The following ARNT variants were observed in gnomAD, a reference collection of about 807,000 sequenced individuals.
The protein encoded by ARNT is aryl hydrocarbon receptor nuclear translocator, also known as class E basic helix-loop-helix protein 2.
Under a neutral mutation model 105.0 loss-of-function variants are expected in ARNT, and 30 were observed. The ratio of observed to expected loss-of-function variants is 0.29; its 90% CI spans 0.21 to 0.39. The LOEUF (loss-of-function observed/expected upper bound fraction) is 0.39. ARNT is among the 10% of genes least tolerant of loss of function. The pLI is 1.00. For missense variants in ARNT, 748 were observed against 978.7 expected, an observed-to-expected ratio of 0.76 and a Z score of 3.15; for synonymous variants, 304 against 344.0, an observed-to-expected ratio of 0.88 and a Z score of 1.29.
intron 1 of ARNT, among the ~76,000 whole-genome samples, chr1:150,864,121 A>C (rs1666132810): frequency 6.6e-6 from 1 of 152,192 alleles, no homozygotes; most frequent in Non-Finnish European, 1.5e-5. Flanking sequence ...TATACTGAAT[A>C]CTGTAGGCAA....
At chr1:150,834,845 A>T in intron 7 of ARNT, 1 of 490,520 alleles carries the variant, frequency 2.0e-6, no homozygotes, top group Middle Eastern at 5.8e-4. Context: ...CTTAAGTTCA[A>T]AGGCAGCATT....
chr1:150,844,459 T>G (rs1262374925), intron 4 of ARNT, among the ~76,000 whole-genome samples: 1 of 152,206 alleles, frequency 6.6e-6, no homozygotes, highest in Non-Finnish European at 1.5e-5. Flanking sequence ...CACTCCAGAA[T>G]AGTTTTTAAC....
intron 16 of ARNT, 58 bp from the exon 17 acceptor site, chr1:150,817,260 C>G: frequency 6.2e-7 from 1 of 1,612,328 alleles, no homozygotes; most frequent in Non-Finnish European, 8.5e-7. Context: ...ATTCAATAAC[C>G]CTAAAATTCA....
At chr1:150,856,386 G>C (rs2102263517) in intron 2 of ARNT, among the ~76,000 whole-genome samples, 1 of 152,226 alleles carries the variant, frequency 6.6e-6, no homozygotes, top group East Asian at 1.9e-4. Context: ...GTTACAGTGA[G>C]CTGAGATCAC....
At chr1:150,874,018 TAAAAAAAAAAA>T (rs58707975) in intron 1 of ARNT, among the ~76,000 whole-genome samples, 5 of 64,430 alleles carry the variant, frequency 7.8e-5, no homozygotes, top group South Asian at 1.2e-3. Context: ...ACAAGAATTG[TAAAAAAAAAAA>T]AAAAAAAAAA....
intron 1 of ARNT, among the ~76,000 whole-genome samples, chr1:150,872,637 T>C (rs377304964): frequency 6.6e-6 from 1 of 152,146 alleles, no homozygotes; most frequent in African/African-American, 2.4e-5. Context: ...CCTCAGCCAA[T>C]GCATTACAAA....
chr1:150,851,400 G>A (rs1383501806), intron 3 of ARNT, among the ~76,000 whole-genome samples: 15 of 152,214 alleles, frequency 9.9e-5, no homozygotes, highest in African/African-American at 3.6e-4. Flanking sequence ...TGACGATGGC[G>A]GTTTTGTCGA....
chr1:150,816,495 A>ATTG, intron 18 of ARNT, 89 bp from the exon 19 acceptor site: 2 of 1,452,406 alleles, frequency 1.4e-6, no homozygotes, highest in East Asian at 2.5e-5. Flanking sequence ...CTATCCCTAG[A>ATTG]TCCCCTTGAC....
rs1158895393 is a variant in ARNT at position 150,817,201 on chromosome 1, A to ACC, written c.1579-1_1579dup (p.Val527GlyfsTer6). 1 of 1,614,028 alleles carries ACC rather than the reference A, an allele frequency of 6.2e-7. No homozygotes were observed. The highest frequency in any genetic ancestry group is 1.7e-5 in the Admixed American group (1 of 59,986). ...TCCTGTGGTTGTCACAGGCTGAACC[A>ACC]CCTGTGGAATACAATGATAAAAATA... On this transcript the variant is annotated frameshift_variant and splice_region_variant, in exon 17 of 22. Transcript: ENST00000358595. LOFTEE classifies it high-confidence loss of function.
chr1:150,848,676 A>G (rs1014488612), intron 3 of ARNT, among the ~76,000 whole-genome samples: 1 of 151,996 alleles, frequency 6.6e-6, no homozygotes, highest in East Asian at 1.9e-4. Context: ...CTACAGGCAC[A>G]CACCAGCACT....
intron 3 of ARNT, 116 bp from the exon 4 acceptor site, chr1:150,846,423 G>C: frequency 2.1e-6 from 2 of 948,908 alleles, no homozygotes; most frequent in Non-Finnish European, 3.2e-6. Context: ...CAATGGAAAA[G>C]CATCACAAAG....
chr1:150,854,283 C>T, intron 2 of ARNT, among the ~76,000 whole-genome samples: 1 of 152,114 alleles, frequency 6.6e-6, no homozygotes, highest in East Asian at 1.9e-4. Context: ...CTCAGCCAGG[C>T]ATGGTTGCTC....
At chr1:150,859,859 T>C (rs918601939) in intron 1 of ARNT, among the ~76,000 whole-genome samples, 1 of 151,962 alleles carries the variant, frequency 6.6e-6, no homozygotes, top group African/African-American at 2.4e-5. Context: ...AAAATACAAG[T>C]TAGCCAGCAT....
At chr1:150,827,376 G>A (rs891861115) in intron 12 of ARNT, among the ~76,000 whole-genome samples, 6 of 152,104 alleles carry the variant, frequency 3.9e-5, no homozygotes, top group Non-Finnish European at 5.9e-5. Context: ...TCTGCTTTCT[G>A]CCTCTCTAGT....
At chr1:150,840,352 C>T (rs1441298103) in intron 5 of ARNT, among the ~76,000 whole-genome samples, 1 of 152,176 alleles carries the variant, frequency 6.6e-6, no homozygotes. Context: ...GGTTAACTCC[C>T]ATGCTTACTA....
In ARNT at chr1:150,810,828, G is replaced by A. The variant is rs1654592912; in HGVS notation, c.*1193C>T. The A allele has an allele frequency of 4.5e-6, 1 of 222,348 alleles. No individual in the cohort carries two copies. Among genetic ancestry groups the A allele is most frequent in the East Asian group, 6.5e-5 (1 of 15,360 alleles). 13.8% of individuals were successfully genotyped at this position (222,348 alleles called of 1,614,324 possible). On this transcript the variant is annotated 3_prime_UTR_variant, in exon 22 of 22. Coordinates refer to ENST00000358595, the MANE Select transcript of ARNT (RefSeq NM_001668.4). The stretch of plus-strand genomic sequence containing the variant: ...AAAGCAAAACCCAATCTCAAGATTG[G>A]AGGGAGCAAAGAGGAAAAACCTCTT...
chr1:150,845,291 A>T (rs2102033650), intron 4 of ARNT, among the ~76,000 whole-genome samples: 1 of 152,262 alleles, frequency 6.6e-6, no homozygotes, highest in African/African-American at 2.4e-5. Flanking sequence ...GTCTCTAAAA[A>T]ATATACATAT....
chr1:150,855,517 G>C (rs1026576179), intron 2 of ARNT, among the ~76,000 whole-genome samples: 1 of 151,810 alleles, frequency 6.6e-6, no homozygotes, highest in Non-Finnish European at 1.5e-5. Context: ...AGCCAAGATC[G>C]CATCACCGCA....
intron 13 of ARNT, among the ~76,000 whole-genome samples, chr1:150,824,060 C>T (rs916740066): frequency 6.6e-6 from 1 of 151,542 alleles, no homozygotes; most frequent in Admixed American, 6.6e-5. Context: ...CCAGGATGGT[C>T]TCGATTTCCC....
Sources: gnomAD v4.1 joint callset for allele counts (sites outside exome capture counted in the v4.1 genomes callset) on GRCh38, gnomAD v4.1.1 for gene constraint, MANE v1.5 for transcripts, NCBI Gene and HGNC (gene_info 2026-07-23, HGNC 2026-07-21) for gene names.